Variants in ETF1 observed in about 807,000 individuals in gnomAD.
ETF1 encodes the protein eukaryotic translation termination factor 1.
In ETF1, 4 loss-of-function variants were observed where a neutral mutation model predicts 55.1. The observed-to-expected ratio is 0.07, with a 90% confidence interval of 0.04 to 0.17. The LOEUF (loss-of-function observed/expected upper bound fraction) is 0.17, where lower values mean the gene tolerates loss of function less well. ETF1 is among the 10% of genes least tolerant of loss of function. The pLI, the probability that ETF1 is intolerant of heterozygous loss-of-function variation, is 1.00. For synonymous variants in ETF1, 157 were observed against 182.3 expected (o/e 0.86, Z 1.12); for missense variants, 142 against 523.6 (o/e 0.27, Z 7.11).
chr5:138,508,513 T>C (rs1764640723), intron 10 of ETF1, 126 bp from the exon 11 acceptor site: 1 of 1,556,710 alleles, frequency 6.4e-7, no homozygotes. Context: ...GAGGTAATAA[T>C]AAACATGGGT....
At chr5:138,517,071 C>T (rs1224192951) in intron 4 of ETF1, among the ~76,000 whole-genome samples, 1 of 152,040 alleles carries the variant, frequency 6.6e-6, no homozygotes, top group Non-Finnish European at 1.5e-5. Context: ...TATATGATTC[C>T]ATTATATAAA....
intron 2 of ETF1, among the ~76,000 whole-genome samples, chr5:138,539,318 T>C (rs567465243): frequency 6.6e-6 from 1 of 152,350 alleles, no homozygotes; most frequent in Admixed American, 6.5e-5. Flanking sequence ...ACCTCTTGCC[T>C]GCTCAGAAAA....
intron 2 of ETF1, among the ~76,000 whole-genome samples, chr5:138,519,813 A>C (rs1765163554): frequency 6.6e-6 from 1 of 152,194 alleles, no homozygotes; most frequent in African/African-American, 2.4e-5. Context: ...AGAACTAAAA[A>C]ACGGGACCAA....
intron 4 of ETF1, among the ~76,000 whole-genome samples, chr5:138,514,824 G>GA (rs1464211074): frequency 4.6e-5 from 7 of 152,130 alleles, no homozygotes; most frequent in Non-Finnish European, 7.3e-5. Flanking sequence ...AGAAAATATT[G>GA]AAACAGTCCT....
Position 138,512,848 on chromosome 5 carries a change from C to T in ETF1, c.648G>A (p.Gly216=). The T allele has an allele frequency of 1.3e-6, 2 of 1,598,366 alleles. No homozygotes were observed. Among genetic ancestry groups the T allele is most frequent in the Non-Finnish European group, 1.7e-6 (2 of 1,174,538 alleles). ...CTAGACCAGCCACATTCACTTTGTC[C>T]CCAGAAATAAACAGCTGCACAGCAG... ...AETAVQLFIS[G]DKVNVAGLVL... Residue 216 remains glycine, a synonymous_variant, in exon 6 of 11, where the codon GGG becomes GGA. Coordinates refer to ENST00000360541, the MANE Select transcript of ETF1 (RefSeq NM_004730.4).
At chr5:138,517,801 T>C (rs1036111366) in intron 3 of ETF1, 101 bp from the exon 4 acceptor site, 1 of 1,320,786 alleles carries the variant, frequency 7.6e-7, no homozygotes, top group Admixed American at 2.9e-5. Context: ...CCTGATCCTT[T>C]AAGTCATAAT....
chr5:138,543,156 C>T lies in ETF1; in HGVS notation c.-78G>A. On this transcript the variant is annotated 5_prime_UTR_variant, in exon 1 of 11. Transcript: ENST00000360541. ...CTCCCCGGCGGCGGCTCCGCGGCGG[C>T]GGCGGCTCTGACGTAGGACACCGGC... The T allele has an allele frequency of 1.7e-6, 1 of 577,992 alleles. No homozygotes were observed. Among genetic ancestry groups the T allele is most frequent in the South Asian group, 2.2e-5 (1 of 45,652 alleles). The allele number at this position is 577,992 out of a possible 1,614,324, so 35.8% of individuals were successfully genotyped here.
chr5:138,536,975 T>C (rs1456173278), intron 2 of ETF1, among the ~76,000 whole-genome samples: 3 of 152,144 alleles, frequency 2.0e-5, no homozygotes, highest in African/African-American at 4.8e-5. Flanking sequence ...ATGTCCAGAG[T>C]AAGCCTTCCT....
At chr5:138,536,276 C>CA (rs1765925110) in intron 2 of ETF1, among the ~76,000 whole-genome samples, 1 of 152,148 alleles carries the variant, frequency 6.6e-6, no homozygotes, top group Non-Finnish European at 1.5e-5. Context: ...AATGTGAAAA[C>CA]AAGAGTACAA....
intron 2 of ETF1, among the ~76,000 whole-genome samples, chr5:138,519,746 A>T (rs1765161028): frequency 6.6e-6 from 1 of 152,128 alleles, no homozygotes; most frequent in Admixed American, 6.5e-5. Flanking sequence ...TTTGATTAAA[A>T]GGAGGAATGA....
chr5:138,524,020 T>C (rs980917201), intron 2 of ETF1, among the ~76,000 whole-genome samples: 11 of 151,970 alleles, frequency 7.2e-5, no homozygotes, highest in Non-Finnish European at 1.6e-4. Context: ...CTACTAAAAA[T>C]ACAAAAAGTT....
rs369975510 is a variant in ETF1 at position 138,540,774 on chromosome 5, AT to A, written c.86+2058del. 6.3e-3 allele frequency among the ~76,000 whole-genome samples: 955 copies of A among 152,330 alleles called. 4 individuals are homozygous for A. The highest frequency in any genetic ancestry group is 0.02 in the Middle Eastern group (6 of 294). ...TGTGTCTTATAACTTCATTTTTAGC[AT>A]GCTTTAAACTTTACTGAACTTTGCT... is the stretch of plus-strand genomic sequence containing the variant. On this transcript the variant is annotated intron_variant, in intron 2 of 10. Coordinates refer to ENST00000360541, the MANE Select transcript of ETF1 (RefSeq NM_004730.4).
intron 9 of ETF1, among the ~76,000 whole-genome samples, chr5:138,509,894 C>CAAAAAA (rs34092773): frequency 9.0e-5 from 6 of 66,396 alleles, no homozygotes; most frequent in African/African-American, 3.6e-4. Context: ...AACTCCACCT[C>CAAAAAA]AAAAAAAAAA....
intron 2 of ETF1, among the ~76,000 whole-genome samples, chr5:138,530,445 T>C (rs970410127): frequency 7.9e-5 from 12 of 151,952 alleles, no homozygotes; most frequent in African/African-American, 2.9e-4. Flanking sequence ...GCCCAGCTAA[T>C]TGTTGTATTT....
At chr5:138,525,943 T>TAAAAA (rs35058160) in intron 2 of ETF1, among the ~76,000 whole-genome samples, 3 of 133,818 alleles carry the variant, frequency 2.2e-5, no homozygotes, top group Non-Finnish European at 3.1e-5. Context: ...AGACTCTGTT[T>TAAAAA]AAAAAAAAAA....
At chr5:138,508,614 G>A in intron 10 of ETF1, 55 bp downstream of exon 10, 1 of 1,605,480 alleles carries the variant, frequency 6.2e-7, no homozygotes, top group South Asian at 1.1e-5. Flanking sequence ...CTAGCCAGGA[G>A]GGACCTTGAC....
chr5:138,538,310 C>T (rs1293888428), intron 2 of ETF1, among the ~76,000 whole-genome samples: 2 of 152,086 alleles, frequency 1.3e-5, no homozygotes, highest in Non-Finnish European at 2.9e-5. Context: ...CTGCCTCAGC[C>T]TCCCGAGTAG....
At position 138,542,952 on chromosome 5, in the gene ETF1, G is replaced by C; in HGVS notation, c.-18-16C>G. On this transcript the variant is annotated splice_polypyrimidine_tract_variant and intron_variant, in intron 1 of 10. Coordinates refer to ENST00000360541, the MANE Select transcript of ETF1 (RefSeq NM_004730.4). ...CTCCTCCTCCCTAGAGCGGCCCGGC[G>C]GGGCCCGGAGACACCAAGACCACAG... is the stretch of plus-strand genomic sequence containing the variant. 1 of 1,610,206 alleles carries C rather than the reference G, an allele frequency of 6.2e-7. No individual in the cohort carries two copies. Among genetic ancestry groups the C allele is most frequent in the Non-Finnish European group, 8.5e-7 (1 of 1,178,312 alleles).
intron 2 of ETF1, among the ~76,000 whole-genome samples, chr5:138,533,453 C>T (rs1453771186): frequency 1.3e-5 from 2 of 152,008 alleles, no homozygotes; most frequent in African/African-American, 2.4e-5. Context: ...TTTGAGAGGC[C>T]GAGGCAGGCG....
Sources: allele counts gnomAD v4.1 joint callset (sites outside exome capture counted in the v4.1 genomes callset), GRCh38; gene constraint gnomAD v4.1.1; transcripts MANE v1.5; gene names NCBI Gene and HGNC (gene_info 2026-07-23, HGNC 2026-07-21).